Variants in MYO1D observed in about 807,000 individuals in gnomAD.
MYO1D encodes the protein unconventional myosin-Id.
A neutral mutation model predicts 122.0 loss-of-function variants in MYO1D; 83 were observed. That is an observed-to-expected ratio of 0.68 (90% confidence interval 0.57 to 0.82). The LOEUF is 0.82. Among genes scored for constraint, MYO1D ranks in the 40% least tolerant of loss-of-function variants. The pLI is 0.00. For missense variants in MYO1D, 1,157 were observed against 1,269.5 expected, an observed-to-expected ratio of 0.91 and a Z score of 1.35; for synonymous variants, 464 against 446.9, an observed-to-expected ratio of 1.04 and a Z score of -0.48.
intron 10 of MYO1D, among the ~76,000 whole-genome samples, chr17:32,757,537 C>T (rs1445844165): frequency 6.6e-6 from 1 of 152,036 alleles, no homozygotes; most frequent in African/African-American, 2.4e-5. Context: ...TATTACATTT[C>T]TAATTAGGGA....
chr17:32,564,910 C>G (rs776400049), intron 21 of MYO1D, among the ~76,000 whole-genome samples: 2 of 152,236 alleles, frequency 1.3e-5, no homozygotes, highest in African/African-American at 2.4e-5. Flanking sequence ...CCCCATCTCA[C>G]AATTACGTTA....
chr17:32,577,535 G>A (rs1483945693), intron 21 of MYO1D, among the ~76,000 whole-genome samples: 3 of 152,094 alleles, frequency 2.0e-5, no homozygotes, highest in Admixed American at 6.5e-5. Context: ...TTTGCAGAAA[G>A]GATGCTTTTA....
intron 2 of MYO1D, 47 bp downstream of exon 2, chr17:32,780,529 T>A: frequency 6.3e-7 from 1 of 1,579,390 alleles, no homozygotes; most frequent in Non-Finnish European, 8.7e-7. Flanking sequence ...ATCAAACAAA[T>A]TAAACACATT....
intron 13 of MYO1D, among the ~76,000 whole-genome samples, chr17:32,743,561 T>C (rs900472808): frequency 3.3e-5 from 5 of 152,042 alleles, no homozygotes; most frequent in Admixed American, 1.3e-4. Context: ...CCCTTTTCAT[T>C]ATCTCCATCA....
At chr17:32,876,285 G>A (rs1391631556) in intron 1 of MYO1D, among the ~76,000 whole-genome samples, 1 of 152,014 alleles carries the variant, frequency 6.6e-6, no homozygotes, top group Non-Finnish European at 1.5e-5. Flanking sequence ...AAAAAAAAAA[G>A]AAGGGCGAAG....
chr17:32,589,984 A>G (rs895488900), intron 21 of MYO1D, among the ~76,000 whole-genome samples: 5 of 152,204 alleles, frequency 3.3e-5, no homozygotes, highest in Non-Finnish European at 5.9e-5. Context: ...CATATCAACT[A>G]GTGTTCCTCA....
intron 1 of MYO1D, among the ~76,000 whole-genome samples, chr17:32,804,632 C>T (rs1022477070): frequency 1.3e-5 from 2 of 151,996 alleles, no homozygotes; most frequent in Non-Finnish European, 2.9e-5. Context: ...CCCTTTTAAG[C>T]AATTAAATGT....
chr17:32,595,628 G>A (rs1340800195), intron 21 of MYO1D, among the ~76,000 whole-genome samples: 3 of 152,236 alleles, frequency 2.0e-5, no homozygotes, highest in South Asian at 4.2e-4. Context: ...CCGCGAGTGG[G>A]GCCTATCAGT....
At chr17:32,701,526 A>G (rs2150980882) in intron 16 of MYO1D, among the ~76,000 whole-genome samples, 1 of 152,306 alleles carries the variant, frequency 6.6e-6, no homozygotes, top group South Asian at 2.1e-4. Context: ...TAATTCATCT[A>G]TTCTTGATTT....
At chr17:32,565,083 A>G (rs921901819) in intron 21 of MYO1D, among the ~76,000 whole-genome samples, 1 of 152,294 alleles carries the variant, frequency 6.6e-6, no homozygotes, top group South Asian at 2.1e-4. Flanking sequence ...AGCTCACTGC[A>G]ACCTCTGCCT....
chr17:32,599,296 T>G (rs2087533645), intron 21 of MYO1D, among the ~76,000 whole-genome samples: 1 of 151,710 alleles, frequency 6.6e-6, no homozygotes, highest in African/African-American at 2.4e-5. Flanking sequence ...AACCACTTTC[T>G]CTGCTCTTCC....
intron 21 of MYO1D, among the ~76,000 whole-genome samples, chr17:32,502,651 A>C (rs1909354901): frequency 6.6e-6 from 1 of 152,216 alleles, no homozygotes; most frequent in Admixed American, 6.5e-5. Context: ...AAGTTTAGCC[A>C]AAATAATTTT....
chr17:32,806,244 C>T (rs900852753), intron 1 of MYO1D, among the ~76,000 whole-genome samples: 6 of 152,108 alleles, frequency 3.9e-5, no homozygotes, highest in African/African-American at 7.2e-5. Flanking sequence ...GGTGACAGAG[C>T]GAGACTCTGT....
intron 21 of MYO1D, among the ~76,000 whole-genome samples, chr17:32,604,494 T>A (rs2087602596): frequency 6.6e-6 from 1 of 152,222 alleles, no homozygotes; most frequent in Admixed American, 6.5e-5. Context: ...AAATTATCCA[T>A]TCACTGGTCC....
At chr17:32,601,817 G>A (rs2087566013) in intron 21 of MYO1D, among the ~76,000 whole-genome samples, 1 of 152,202 alleles carries the variant, frequency 6.6e-6, no homozygotes, top group African/African-American at 2.4e-5. Context: ...AGAACAGTAA[G>A]ACGAGGTATA....
At chr17:32,870,022 T>C (rs535111468) in intron 1 of MYO1D, among the ~76,000 whole-genome samples, 101 of 152,280 alleles carry the variant, frequency 6.6e-4, no homozygotes, top group African/African-American at 2.4e-3. Flanking sequence ...CACCCACATC[T>C]GGCTCTATTT....
intron 16 of MYO1D, among the ~76,000 whole-genome samples, chr17:32,673,932 GTATAA>G (rs755602480): frequency 1.3e-5 from 2 of 152,118 alleles, no homozygotes; most frequent in Admixed American, 6.5e-5. Flanking sequence ...TTTTCTTGAT[GTATAA>G]TATATTACTG....
chr17:32,624,915 C>T (rs139553140), intron 20 of MYO1D, among the ~76,000 whole-genome samples: 1,789 of 151,964 alleles, frequency 0.012, 10 homozygotes, highest in Non-Finnish European at 0.019. Flanking sequence ...CTCAGCCTCC[C>T]GAGTAGCTGG....
intron 21 of MYO1D, among the ~76,000 whole-genome samples, chr17:32,539,175 C>T (rs1453138017): frequency 1.3e-5 from 2 of 151,986 alleles, no homozygotes; most frequent in African/African-American, 4.8e-5. Context: ...GGCTCTGTGG[C>T]TCATGCCTGT....
Sources: allele counts gnomAD v4.1 joint callset (sites outside exome capture counted in the v4.1 genomes callset), GRCh38; gene constraint gnomAD v4.1.1; transcripts MANE v1.5; gene names NCBI Gene and HGNC (gene_info 2026-07-23, HGNC 2026-07-21).